Variants in REDIC1 observed in about 807,000 individuals in gnomAD.
REDIC1 encodes the protein HEI10 Interacting Protein 1.
chr12:39,881,328 TA>T, the REDIC1 span, among the ~76,000 whole-genome samples: 3,420 of 147,502 alleles, frequency 0.023, 126 homozygotes, highest in African/African-American at 0.08. Context: ...TGGTTTATGT[TA>T]AAAAAAAAAC....
chr12:39,711,544 T>A, the REDIC1 span, among the ~76,000 whole-genome samples: 1 of 92,394 alleles, frequency 1.1e-5, no homozygotes, highest in Non-Finnish European at 2.3e-5. Flanking sequence ...TACATATATG[T>A]ATGTGCATAC....
the REDIC1 span, among the ~76,000 whole-genome samples, chr12:39,733,069 G>GCA: frequency 0.55 from 81,315 of 148,284 alleles, 22,758 homozygotes; most frequent in Non-Finnish European, 0.6. Context: ...GCAGAAAAAT[G>GCA]CACACACACA....
chr12:39,718,683 G>A, the REDIC1 span, among the ~76,000 whole-genome samples: 9 of 151,602 alleles, frequency 5.9e-5, no homozygotes, highest in Admixed American at 4.6e-4. Flanking sequence ...TTTTTTCCTG[G>A]AATAGGGCAC....
the REDIC1 span, among the ~76,000 whole-genome samples, chr12:39,887,882 G>A: frequency 6.6e-6 from 1 of 152,186 alleles, no homozygotes; most frequent in Non-Finnish European, 1.5e-5. Flanking sequence ...AGGCAGGAGT[G>A]GGAGAGAGAT....
chr12:39,891,117 T>A, the REDIC1 span, among the ~76,000 whole-genome samples: 1 of 114,920 alleles, frequency 8.7e-6, no homozygotes, highest in Admixed American at 8.5e-5. Context: ...GTTTCAAATA[T>A]ACCTTTTTTT....
the REDIC1 span, among the ~76,000 whole-genome samples, chr12:39,666,860 G>A: frequency 6.6e-6 from 1 of 152,180 alleles, no homozygotes; most frequent in African/African-American, 2.4e-5. Context: ...GCGTAGAGGT[G>A]TTTATAGTAT....
At chr12:39,640,371 G>A in the REDIC1 span, among the ~76,000 whole-genome samples, 1 of 151,862 alleles carries the variant, frequency 6.6e-6, no homozygotes, top group East Asian at 1.9e-4. Flanking sequence ...CTCTAGAACT[G>A]TGAGGAATAA....
At chr12:39,727,029 A>C in the REDIC1 span, among the ~76,000 whole-genome samples, 383 of 152,126 alleles carry the variant, frequency 2.5e-3, 2 homozygotes, top group African/African-American at 8.9e-3. Flanking sequence ...TTCTTCTTGT[A>C]AATTTGTGTA....
the REDIC1 span, among the ~76,000 whole-genome samples, chr12:39,897,111 A>G: frequency 6.6e-6 from 1 of 152,138 alleles, no homozygotes; most frequent in Admixed American, 6.6e-5. Context: ...TTTCTTTATC[A>G]TTGTTCCTGT....
chr12:39,833,760 C>G, the REDIC1 span, among the ~76,000 whole-genome samples: 2 of 152,156 alleles, frequency 1.3e-5, no homozygotes, highest in Non-Finnish European at 2.9e-5. Flanking sequence ...AAATCTCAAT[C>G]CTTATTCCTC....
chr12:39,658,972 C>T, the REDIC1 span, among the ~76,000 whole-genome samples: 1 of 151,902 alleles, frequency 6.6e-6, no homozygotes, highest in Non-Finnish European at 1.5e-5. Flanking sequence ...TATATTTAAG[C>T]ACGTAGTTGT....
the REDIC1 span, among the ~76,000 whole-genome samples, chr12:39,868,396 A>G: frequency 6.6e-6 from 1 of 152,132 alleles, no homozygotes; most frequent in Non-Finnish European, 1.5e-5. Context: ...GTAAATACTC[A>G]AAAAAACAAA....
chr12:39,875,892 C>T, the REDIC1 span, among the ~76,000 whole-genome samples: 1 of 152,128 alleles, frequency 6.6e-6, no homozygotes, highest in Non-Finnish European at 1.5e-5. Context: ...AACCTTTATG[C>T]AGTAGTTTGC....
chr12:39,792,977 T>G, the REDIC1 span, among the ~76,000 whole-genome samples: 1 of 152,170 alleles, frequency 6.6e-6, no homozygotes, highest in Non-Finnish European at 1.5e-5. Flanking sequence ...ACATTTTCCT[T>G]TATGCCCTGT....
chr12:39,668,505 T>C, the REDIC1 span, among the ~76,000 whole-genome samples: 1 of 152,246 alleles, frequency 6.6e-6, no homozygotes, highest in Non-Finnish European at 1.5e-5. Flanking sequence ...TAACATTTTT[T>C]CCTTCATTTC....
chr12:39,852,624 T>C, the REDIC1 span, among the ~76,000 whole-genome samples: 1 of 152,220 alleles, frequency 6.6e-6, no homozygotes, highest in Non-Finnish European at 1.5e-5. Context: ...AACCTAAGGC[T>C]GATTCATGCT....
the REDIC1 span, chr12:39,683,197 T>G: frequency 6.9e-7 from 1 of 1,458,114 alleles, no homozygotes; most frequent in Non-Finnish European, 9.2e-7. Flanking sequence ...TCAGTTTTAG[T>G]ATATATATTT....
At chr12:39,659,287 C>T in the REDIC1 span, among the ~76,000 whole-genome samples, 1 of 151,692 alleles carries the variant, frequency 6.6e-6, no homozygotes, top group Non-Finnish European at 1.5e-5. Flanking sequence ...TATTAATTTT[C>T]TTTCTATTTC....
chr12:39,626,186 T>C, the REDIC1 span: 6 of 733,140 alleles, frequency 8.2e-6, no homozygotes, highest in Non-Finnish European at 1.4e-5. Flanking sequence ...TGTTGGGAGG[T>C]TGGGCCTCAG....
Sources: gnomAD v4.1 joint callset for allele counts (sites outside exome capture counted in the v4.1 genomes callset) on GRCh38, gnomAD v4.1.1 for gene constraint, MANE v1.5 for transcripts, NCBI Gene and HGNC (gene_info 2026-07-23, HGNC 2026-07-21) for gene names.